The following FAM135A variants were observed in gnomAD, a reference collection of about 807,000 sequenced individuals.
The protein encoded by FAM135A is protein FAM135A.
In FAM135A, 79 loss-of-function variants were observed where a neutral mutation model predicts 146.8. The observed-to-expected ratio is 0.54, with a 90% CI of 0.45 to 0.65. The LOEUF (loss-of-function observed/expected upper bound fraction) is 0.65, where lower values mean the gene tolerates loss of function less well. Ranked by LOEUF, FAM135A falls within the 30% of genes least tolerant of loss-of-function variation. The pLI, the probability that FAM135A is intolerant of heterozygous loss-of-function variation, is 0.00. For synonymous variants in FAM135A, 562 were observed against 603.6 expected, an observed-to-expected ratio of 0.93 and a Z score of 1.01; for missense variants, 1,623 against 1,758.2, an observed-to-expected ratio of 0.92 and a Z score of 1.38.
chr6:70,469,234 G>A (rs914686465), intron 5 of FAM135A, among the ~76,000 whole-genome samples: 2 of 152,146 alleles, frequency 1.3e-5, no homozygotes, highest in Non-Finnish European at 2.9e-5. Flanking sequence ...TACATAATAA[G>A]TATTCAGTAA....
chr6:70,525,431 C>T lies in FAM135A; in HGVS notation c.2347C>T (p.Pro783Ser). Residue 783 changes from proline to serine, a missense_variant, in exon 15 of 22, where the codon CCA (proline) becomes TCA (serine). Pro to Ser is a moderately conservative substitution (Grantham distance 74). Coordinates refer to ENST00000418814, the MANE Select transcript of FAM135A (RefSeq NM_001162529.3). Reference protein sequence around the residue: ...ESEPSSFATHPNTDLVFETVQ... With the variant: ...ESEPSSFATHSNTDLVFETVQ... Reference sequence around the variant, plus strand: ...TGAACCGAGTTCTTTTGCGACACATCCAAACACTGATTTAGTCTTTGAAAC... The same window carrying T: ...TGAACCGAGTTCTTTTGCGACACATTCAAACACTGATTTAGTCTTTGAAAC... 3 of 1,613,612 alleles carry T rather than the reference C, an allele frequency of 1.9e-6. No individual in the cohort carries two copies. The highest frequency in any genetic ancestry group is 2.5e-6 in the Non-Finnish European group (3 of 1,179,680).
intron 7 of FAM135A, 28 bp from the exon 8 acceptor site, chr6:70,477,131 C>T (rs755429277): frequency 5.2e-5 from 83 of 1,596,276 alleles, no homozygotes; most frequent in Non-Finnish European, 7.0e-5. Context: ...ATGTTTCATA[C>T]TTACATGCTA....
intron 4 of FAM135A, among the ~76,000 whole-genome samples, chr6:70,429,587 G>A (rs1419763045): frequency 6.6e-6 from 1 of 152,068 alleles, no homozygotes; most frequent in Non-Finnish European, 1.5e-5. Flanking sequence ...GAGAATTACA[G>A]AAGAAAGGTA....
chr6:70,470,806 C>T (rs1781484749), intron 5 of FAM135A, among the ~76,000 whole-genome samples: 1 of 152,180 alleles, frequency 6.6e-6, no homozygotes, highest in Non-Finnish European at 1.5e-5. Context: ...ATGAATCAAA[C>T]ACACTAAATA....
At chr6:70,516,638 C>T (rs753234434) in intron 12 of FAM135A, among the ~76,000 whole-genome samples, 17 of 149,612 alleles carry the variant, frequency 1.1e-4, no homozygotes, top group Non-Finnish European at 2.5e-4. Flanking sequence ...TGGGTTCACG[C>T]CATTCTCCAT....
At chr6:70,494,045 C>A (rs576685067) in intron 11 of FAM135A, among the ~76,000 whole-genome samples, 1 of 113,750 alleles carries the variant, frequency 8.8e-6, no homozygotes, top group Middle Eastern at 5.6e-3. Context: ...CAGAGTGAGA[C>A]TCTGTCTCAA....
intron 5 of FAM135A, among the ~76,000 whole-genome samples, chr6:70,462,200 T>G (rs1173713544): frequency 1.3e-5 from 2 of 152,112 alleles, no homozygotes; most frequent in South Asian, 2.1e-4. Flanking sequence ...TTCTCTCCAA[T>G]GAGATAGCTG....
At chr6:70,475,875 A>T (rs1278765831) in intron 7 of FAM135A, 142 bp downstream of exon 7, 1 of 652,740 alleles carries the variant, frequency 1.5e-6, no homozygotes, top group African/African-American at 1.8e-5. Context: ...ACTTCATGAG[A>T]ATGATTAGGC....
chr6:70,520,840 G>A (rs535464442), intron 12 of FAM135A, among the ~76,000 whole-genome samples: 4 of 152,308 alleles, frequency 2.6e-5, no homozygotes, highest in African/African-American at 9.6e-5. Flanking sequence ...GCTACAGCAT[G>A]ATAATTATGC....
At chr6:70,451,699 A>G (rs1401871534) in intron 4 of FAM135A, among the ~76,000 whole-genome samples, 2 of 152,146 alleles carry the variant, frequency 1.3e-5, no homozygotes, top group East Asian at 3.8e-4. Context: ...TGCAAATTTA[A>G]TATCTGAAAC....
intron 10 of FAM135A, among the ~76,000 whole-genome samples, chr6:70,485,344 T>C (rs1784414003): frequency 6.6e-6 from 1 of 152,140 alleles, no homozygotes; most frequent in South Asian, 2.1e-4. Flanking sequence ...CCTTTCTCTT[T>C]ATTGTGAATT....
intron 5 of FAM135A, among the ~76,000 whole-genome samples, chr6:70,459,006 A>G (rs1361176361): frequency 6.6e-6 from 1 of 152,158 alleles, no homozygotes; most frequent in Non-Finnish European, 1.5e-5. Flanking sequence ...CTGACTTTTA[A>G]TAAATAAATA....
chr6:70,522,417 A>G, intron 12 of FAM135A, 96 bp from the exon 13 acceptor site: 2 of 927,150 alleles, frequency 2.2e-6, no homozygotes, highest in South Asian at 3.0e-5. Flanking sequence ...TGATTGTGGA[A>G]GGCGTAATGG....
At position 70,533,819 on chromosome 6, in the gene FAM135A, T is replaced by C. The variant is rs756239178; in HGVS notation, c.3930T>C (p.Tyr1310=). ...GTCTTTTGGATGAGATAATACAGTA[T>C]ATTCAGATATATAGTCTAACAGTCT... ...TDRLLDEIIQ[Y]IQIYSLTVSK... is the part of the protein sequence containing the mutation. Residue 1310 remains tyrosine, a synonymous_variant, in exon 18 of 22, where the codon TAT becomes TAC. Coordinates refer to ENST00000418814, the MANE Select transcript of FAM135A (RefSeq NM_001162529.3). 21 of 1,567,204 alleles carry C rather than the reference T, an allele frequency of 1.3e-5. No individual in the cohort carries two copies. The highest frequency in any genetic ancestry group is 1.8e-5 in the Non-Finnish European group (21 of 1,159,122).
At chr6:70,555,130 C>G (rs955167954) in intron 20 of FAM135A, among the ~76,000 whole-genome samples, 2 of 152,070 alleles carry the variant, frequency 1.3e-5, no homozygotes, top group Non-Finnish European at 2.9e-5. Context: ...CTTTTATACC[C>G]TAGGGCCATA....
intron 12 of FAM135A, among the ~76,000 whole-genome samples, chr6:70,522,098 G>A (rs1168400454): frequency 1.3e-5 from 2 of 152,052 alleles, no homozygotes; most frequent in Non-Finnish European, 2.9e-5. Flanking sequence ...TGTGTTTTTA[G>A]TAGAGACAGG....
intron 12 of FAM135A, among the ~76,000 whole-genome samples, chr6:70,512,926 A>G (rs977260666): frequency 1.3e-5 from 2 of 151,698 alleles, no homozygotes; most frequent in Non-Finnish European, 3.0e-5. Flanking sequence ...ATTTAGGACC[A>G]TGGGTCATCT....
At chr6:70,454,966 G>A (rs2128057235) in intron 5 of FAM135A, among the ~76,000 whole-genome samples, 1 of 152,290 alleles carries the variant, frequency 6.6e-6, no homozygotes, top group Non-Finnish European at 1.5e-5. Flanking sequence ...ATTCTGTGAA[G>A]AAAGTCATTG....
At chr6:70,543,845 A>AT in intron 20 of FAM135A, among the ~76,000 whole-genome samples, 1 of 152,238 alleles carries the variant, frequency 6.6e-6, no homozygotes, top group East Asian at 1.9e-4. Context: ...GATTAGTTCA[A>AT]TTTTTTTCTT....
Sources: allele counts gnomAD v4.1 joint callset (sites outside exome capture counted in the v4.1 genomes callset), GRCh38; gene constraint gnomAD v4.1.1; transcripts MANE v1.5; gene names NCBI Gene and HGNC (gene_info 2026-07-23, HGNC 2026-07-21).